TET3: variants seen among roughly 807,000 people sequenced by gnomAD.
TET3 encodes methylcytosine dioxygenase TET3.
A neutral mutation model predicts 141.4 loss-of-function variants in TET3; 19 were observed. The ratio of observed to expected loss-of-function variants is 0.13; its 90% CI spans 0.09 to 0.20. The LOEUF is 0.20. Among genes scored for constraint, TET3 ranks in the 10% least tolerant of loss-of-function variants. The pLI is 1.00. For missense variants in TET3, 1,874 were observed against 2,356.9 expected, an observed-to-expected ratio of 0.80 and a Z score of 4.24; for synonymous variants, 1,043 against 980.9, an observed-to-expected ratio of 1.06 and a Z score of -1.18.
intron 4 of TET3, among the ~76,000 whole-genome samples, chr2:74,058,550 T>C (rs1468752874): frequency 6.6e-6 from 1 of 152,070 alleles, no homozygotes. Flanking sequence ...TGGTCACCTA[T>C]ATTAGGTTTT....
In TET3 at chr2:74,087,014, T is replaced by G. The variant is rs1184735534; in HGVS notation, c.2680-816T>G. The stretch of plus-strand genomic sequence containing the variant: ...CAGGCCCTCGTAAGCTCTAATCTAC[T>G]TTCTGTCTCTCTGAATGGAACTGTT... On this transcript the variant is annotated intron_variant, in intron 6 of 11. Transcript: ENST00000409262. The surrounding 1 kb of genome is among the most constrained non-coding windows in gnomAD (Gnocchi z 4.3). Among the ~76,000 whole-genome samples the G allele has an allele frequency of 6.6e-6, 1 of 152,124 alleles. No individual in the cohort carries two copies. The highest frequency in any genetic ancestry group is 2.4e-5 in the African/African-American group (1 of 41,426).
chr2:74,003,855 G>A (rs1426754672), intron 3 of TET3, among the ~76,000 whole-genome samples: 1 of 151,154 alleles, frequency 6.6e-6, no homozygotes, highest in Non-Finnish European at 1.5e-5. Context: ...TTGTCTGGGG[G>A]GCGGGGAGCT....
Position 74,079,041 on chromosome 2 carries a change from C to T in TET3, c.2586-1457C>T, listed in dbSNP as rs926349692. Among the ~76,000 whole-genome samples, 8 of 152,262 alleles carry T rather than the reference C, an allele frequency of 5.3e-5. No individual in the cohort carries two copies. The East Asian group carries it at 5.8e-4, about 11-fold the overall frequency. Reference sequence around the variant, plus strand: ...AAAGTCGGGAAGAAGCAGAGATGCCCGCCAGCCCTTCAGAAACTTGGCCAG... The same window carrying T: ...AAAGTCGGGAAGAAGCAGAGATGCCTGCCAGCCCTTCAGAAACTTGGCCAG... On this transcript the variant is annotated intron_variant, in intron 5 of 11. Transcript: ENST00000409262.
chr2:74,092,304 G>GA (rs367675940), intron 8 of TET3, among the ~76,000 whole-genome samples: 13 of 146,752 alleles, frequency 8.9e-5, no homozygotes, highest in East Asian at 2.0e-4. Context: ...CTGTCTCAAA[G>GA]AAAAAAAAAA....
In TET3 at chr2:74,104,336, C is replaced by G. The variant is rs115363906; in HGVS notation, c.*2160C>G. ...TCAGGACTTAGAATTATTCAGAACT[C>G]AGATTTATAGGAAAACCTCTGACCT... On this transcript the variant is annotated 3_prime_UTR_variant, in exon 12 of 12. Coordinates refer to ENST00000409262, the MANE Select transcript of TET3 (RefSeq NM_001287491.2). The G allele has an allele frequency of 3.5e-3, 532 of 152,256 alleles. 6 individuals carry two copies. Among genetic ancestry groups the G allele is most frequent in the African/African-American group, 0.012 (501 of 41,538 alleles). The allele number at this position is 152,256 out of a possible 1,614,324, so 9.4% of individuals were successfully genotyped here.
chr2:74,031,517 G>C (rs546342191), intron 3 of TET3, among the ~76,000 whole-genome samples: 4 of 152,176 alleles, frequency 2.6e-5, no homozygotes, highest in African/African-American at 7.2e-5. Context: ...AGTGACTGTG[G>C]ATAATGAAGC....
At position 74,099,255 on chromosome 2, in the gene TET3, C is replaced by CT. The variant is rs1409146666; in HGVS notation, c.3268-20dup. On this transcript the variant is annotated intron_variant, in intron 10 of 11. Transcript: ENST00000409262. ...TCGGTCCCCCAACCCCATGTCCTCT[C>CT]TCCCCCACTGCTTGGGGCAGGTCTG... 9.0e-6 allele frequency: 14 copies of CT among 1,552,442 alleles called. No individual in the cohort carries two copies. In the Admixed American group the frequency reaches 2.5e-4, roughly 27 times the overall value.
Position 74,021,706 on chromosome 2 carries a change from A to G in TET3, c.360+18540A>G, listed in dbSNP as rs116746482. Among the ~76,000 whole-genome samples, 593 of 152,308 alleles carry G rather than the reference A, an allele frequency of 3.9e-3. 2 individuals are homozygous for G. The highest frequency in any genetic ancestry group is 6.5e-3 in the Non-Finnish European group (442 of 68,016). ...TCTCTGGTGGGACCTGGGAATCTGC[A>G]TCCATAACCAGCTTCCTACAGGTGA... is the stretch of plus-strand genomic sequence containing the variant. On this transcript the variant is annotated intron_variant, in intron 3 of 11. Coordinates refer to ENST00000409262, the MANE Select transcript of TET3 (RefSeq NM_001287491.2).
chr2:74,015,447 A>T (rs989838968), intron 3 of TET3, among the ~76,000 whole-genome samples: 1 of 152,248 alleles, frequency 6.6e-6, no homozygotes, highest in Admixed American at 6.5e-5. Context: ...AGACTTAAAA[A>T]TGAGTACATG....
chr2:74,131,578 C>G, the TET3 span, among the ~76,000 whole-genome samples: 3 of 152,144 alleles, frequency 2.0e-5, no homozygotes, highest in Non-Finnish European at 4.4e-5. Flanking sequence ...CTACAGGAAC[C>G]CAGGAACAAA....
chr2:74,075,773 A>G (rs1041990879), intron 5 of TET3, among the ~76,000 whole-genome samples: 1 of 152,196 alleles, frequency 6.6e-6, no homozygotes, highest in African/African-American at 2.4e-5. Flanking sequence ...ACCATCTGGG[A>G]ACATTTATAT....
At chr2:74,113,535 A>G in the TET3 span, among the ~76,000 whole-genome samples, 1 of 152,296 alleles carries the variant, frequency 6.6e-6, no homozygotes, top group South Asian at 2.1e-4. Flanking sequence ...AGGATCACAT[A>G]TATATAAAAA....
At chr2:74,032,491 G>GCGCGCGCGCGCGCGCGCGA in intron 3 of TET3, among the ~76,000 whole-genome samples, 1 of 150,866 alleles carries the variant, frequency 6.6e-6, no homozygotes, top group African/African-American at 2.4e-5. Context: ...GTGTGTGTGT[G>GCGCGCGCGCGCGCGCGCGA]TGTGTGTGTG....
rs1194242996 is a variant in TET3, at chr2:74,104,263, C to CA, written c.*2094dup. 2 of 151,946 alleles carry CA rather than the reference C, an allele frequency of 1.3e-5. No individual in the cohort carries two copies. Among genetic ancestry groups the CA allele is most frequent in the Admixed American group, 6.6e-5 (1 of 15,252 alleles). 9.4% of individuals were successfully genotyped at this position (151,946 alleles called of 1,614,324 possible). ...GTAAAGTTGCATTTATTTTACAGGA[C>CA]AAAAAAATGAAATATTATTGCTTTT... On this transcript the variant is annotated 3_prime_UTR_variant, in exon 12 of 12. Coordinates refer to ENST00000409262, the MANE Select transcript of TET3 (RefSeq NM_001287491.2).
At chr2:74,073,839 T>A (rs1428503662) in intron 5 of TET3, 200 bp downstream of exon 5, 1 of 474,028 alleles carries the variant, frequency 2.1e-6, no homozygotes, top group Non-Finnish European at 3.7e-6. Context: ...TCTGCCCAAT[T>A]CATGTCCCCC....
At chr2:74,119,623 ATAAT>A in the TET3 span, among the ~76,000 whole-genome samples, 3 of 152,190 alleles carry the variant, frequency 2.0e-5, no homozygotes, top group South Asian at 2.1e-4. Flanking sequence ...TTTCCCCTTT[ATAAT>A]TAATAAGTAA....
intron 2 of TET3, among the ~76,000 whole-genome samples, chr2:73,987,847 G>A (rs892630946): frequency 1.3e-5 from 2 of 152,224 alleles, no homozygotes; most frequent in Non-Finnish European, 2.9e-5. Flanking sequence ...CTGGCGTTGG[G>A]CTGGCAGCCC....
At chr2:74,010,245 G>C (rs986888750) in intron 3 of TET3, among the ~76,000 whole-genome samples, 2 of 152,184 alleles carry the variant, frequency 1.3e-5, no homozygotes, top group South Asian at 2.1e-4. Context: ...TGTCCAACCC[G>C]GGAAGCCTGG....
intron 3 of TET3, among the ~76,000 whole-genome samples, chr2:74,016,583 G>T (rs963293158): frequency 6.6e-6 from 1 of 152,020 alleles, no homozygotes; most frequent in Non-Finnish European, 1.5e-5. Context: ...TTAGCCAGGC[G>T]TGGTGGTGCA....
Sources: gnomAD v4.1 joint callset for allele counts (sites outside exome capture counted in the v4.1 genomes callset) on GRCh38, gnomAD v4.1.1 for gene constraint, Gnocchi (gnomAD v3.1) non-coding constraint, MANE v1.5 for transcripts, NCBI Gene and HGNC (gene_info 2026-07-23, HGNC 2026-07-21) for gene names.